PHACTR3: variants seen among roughly 807,000 people sequenced by gnomAD.
The protein encoded by PHACTR3 is phosphatase and actin regulator 3.
In PHACTR3, 16 loss-of-function variants were observed where a neutral mutation model predicts 66.8. The ratio of observed to expected loss-of-function variants is 0.24; its 90% CI spans 0.16 to 0.36. PHACTR3 has a LOEUF of 0.36. Among genes scored for constraint, PHACTR3 ranks in the 10% least tolerant of loss-of-function variants. PHACTR3 has a pLI of 1.00. For synonymous variants in PHACTR3, 323 were observed against 292.1 expected, an observed-to-expected ratio of 1.11 and a Z score of -1.08; for missense variants, 647 against 719.9, an observed-to-expected ratio of 0.90 and a Z score of 1.16.
At chr20:59,776,136 A>T (rs1441755856) in intron 7 of PHACTR3, among the ~76,000 whole-genome samples, 2 of 152,158 alleles carry the variant, frequency 1.3e-5, no homozygotes, top group Non-Finnish European at 2.9e-5. Flanking sequence ...GGGAGATGGG[A>T]ACTGCTTCCT....
chr20:59,749,696 A>G (rs1228785759), intron 3 of PHACTR3, among the ~76,000 whole-genome samples: 1 of 152,208 alleles, frequency 6.6e-6, no homozygotes, highest in African/African-American at 2.4e-5. Flanking sequence ...CTGCTTTTGT[A>G]GCGCAAAGGC....
intron 6 of PHACTR3, 95 bp from the exon 7 acceptor site, chr20:59,774,148 G>A (rs1316836866): frequency 6.8e-7 from 1 of 1,469,294 alleles, no homozygotes; most frequent in Non-Finnish European, 9.1e-7. Context: ...TTTTGGGGCT[G>A]CCTCTGTGAT....
intron 1 of PHACTR3, among the ~76,000 whole-genome samples, chr20:59,636,547 C>T (rs1188308585): frequency 6.6e-6 from 1 of 152,116 alleles, no homozygotes; most frequent in Admixed American, 6.5e-5. Flanking sequence ...TGGGAGATGG[C>T]CAGGAAGACC....
intron 4 of PHACTR3, among the ~76,000 whole-genome samples, chr20:59,760,404 A>T (rs146076664): frequency 2.0e-4 from 30 of 152,286 alleles, no homozygotes; most frequent in Middle Eastern, 3.4e-3. Context: ...TGTAGCTCCC[A>T]TAATTCCCAC....
At chr20:59,753,195 G>A (rs557961746) in intron 3 of PHACTR3, among the ~76,000 whole-genome samples, 10 of 152,072 alleles carry the variant, frequency 6.6e-5, no homozygotes, top group Non-Finnish European at 1.2e-4. Flanking sequence ...GATACAGCAC[G>A]TGGCCCACAG....
chr20:59,801,516 AG>A (rs2041413162), intron 7 of PHACTR3, among the ~76,000 whole-genome samples: 1 of 152,212 alleles, frequency 6.6e-6, no homozygotes, highest in African/African-American at 2.4e-5. Flanking sequence ...GAATAAAGTT[AG>A]GCTCTGCTAT....
At chr20:59,748,497 T>C (rs1412487236) in intron 3 of PHACTR3, among the ~76,000 whole-genome samples, 1 of 152,230 alleles carries the variant, frequency 6.6e-6, no homozygotes, top group Non-Finnish European at 1.5e-5. Context: ...TAATCATCTT[T>C]GTTTCCATCT....
At chr20:59,800,624 G>A (rs1456278323) in intron 7 of PHACTR3, among the ~76,000 whole-genome samples, 1 of 152,082 alleles carries the variant, frequency 6.6e-6, no homozygotes, top group African/African-American at 2.4e-5. Flanking sequence ...GATTACCATG[G>A]CCCAGACACA....
intron 1 of PHACTR3, among the ~76,000 whole-genome samples, chr20:59,728,818 C>G (rs1287733152): frequency 1.4e-5 from 2 of 147,384 alleles, no homozygotes; most frequent in Non-Finnish European, 3.0e-5. Flanking sequence ...CCGACAACAC[C>G]AAGTCAGCTG....
chr20:59,597,226 A>T (rs2033350884), intron 1 of PHACTR3, among the ~76,000 whole-genome samples: 1 of 152,214 alleles, frequency 6.6e-6, no homozygotes, highest in African/African-American at 2.4e-5. Flanking sequence ...AAAGAGGATG[A>T]TTATTCCAAC....
At chr20:59,582,412 G>A (rs1568914655) in intron 1 of PHACTR3, among the ~76,000 whole-genome samples, 1 of 152,162 alleles carries the variant, frequency 6.6e-6, no homozygotes, top group Non-Finnish European at 1.5e-5. Flanking sequence ...ACCTGCGTGA[G>A]GCACTGAGCA....
chr20:59,605,152 CGGCGGGCGGG>C lies in PHACTR3; in HGVS notation c.118+21_118+30del. 5 of 262,388 alleles carry C rather than the reference CGGCGGGCGGG, an allele frequency of 1.9e-5. No individual in the cohort carries two copies. Among genetic ancestry groups the C allele is most frequent in the Non-Finnish European group, 3.5e-5 (5 of 142,310 alleles). 16.3% of individuals were successfully genotyped at this position (262,388 alleles called of 1,614,324 possible). On this transcript the variant is annotated intron_variant, in intron 1 of 12. Transcript: ENST00000371015. ...ACCCAGGTAACGGGCTGGGCGGGGGCGGCGGGCGGGTCGGGGAGGCCCGAGGCAGGTGGCG... is the reference window on the plus strand; with the variant it reads ...ACCCAGGTAACGGGCTGGGCGGGGGCTCGGGGAGGCCCGAGGCAGGTGGCG...
chr20:59,595,756 T>G (rs2033311428), intron 1 of PHACTR3, among the ~76,000 whole-genome samples: 1 of 152,244 alleles, frequency 6.6e-6, no homozygotes, highest in East Asian at 1.9e-4. Context: ...CCTCATGTAT[T>G]TTGACGTCTG....
At chr20:59,661,338 G>A (rs944654792) in intron 1 of PHACTR3, among the ~76,000 whole-genome samples, 1 of 152,172 alleles carries the variant, frequency 6.6e-6, no homozygotes, top group African/African-American at 2.4e-5. Context: ...ACCAACGACA[G>A]GCCCATGAGT....
Position 59,806,122 on chromosome 20 carries a change from G to A in PHACTR3, c.1256G>A (p.Arg419Gln), listed in dbSNP as rs1350893711. Residue 419 changes from arginine to glutamine, a missense_variant, in exon 8 of 13, where the codon CGG becomes CAG. By Grantham distance (43) the Arg-to-Gln change is conservative. Around this residue, in one of 2 missense-constraint regions of PHACTR3, gnomAD observed 577 missense variants for 571.1 expected, o/e 1.01. Transcript: ENST00000371015. Reference protein sequence around the residue: ...NRPSKQELEDRNIFPRRTDEE... With the variant: ...NRPSKQELEDQNIFPRRTDEE... ...CCAAGCAAACAGGAACTAGAAGACC[G>A]GAACATTTTCCCCAGAAGGACTGAT... 9 of 1,614,260 alleles carry A rather than the reference G, an allele frequency of 5.6e-6. No individual in the cohort carries two copies. Among genetic ancestry groups the A allele is most frequent in the Admixed American group, 3.3e-5 (2 of 60,022 alleles).
At chr20:59,791,421 T>G (rs1392909316) in intron 7 of PHACTR3, among the ~76,000 whole-genome samples, 4 of 152,124 alleles carry the variant, frequency 2.6e-5, no homozygotes, top group Non-Finnish European at 1.5e-5. Flanking sequence ...CTAATTCTGA[T>G]GGTCAGAGCA....
In PHACTR3 at chr20:59,830,223, G is replaced by T. The variant is rs1005400916; in HGVS notation, c.1329-6282G>T. 7.2e-6 allele frequency among the ~76,000 whole-genome samples: 1 copy of T among 138,830 alleles called. No homozygotes were observed. Among genetic ancestry groups the T allele is most frequent in the East Asian group, 2.0e-4 (1 of 4,970 alleles). 91.1% of individuals were successfully genotyped at this position (138,830 alleles called of 152,430 possible). A position where few individuals can be genotyped will look rare whatever the true frequency, so the allele number is the denominator to read the frequency against. The stretch of plus-strand genomic sequence containing the variant: ...GTATGAGTGTCTGATAGAAGAGGGC[G>T]TGAGTGTCTGATGGAAGAGGGTATG... On this transcript the variant is annotated intron_variant, in intron 8 of 12. Coordinates refer to ENST00000371015, the MANE Select transcript of PHACTR3 (RefSeq NM_080672.5). This position sits in a 1 kb window ranked among gnomAD's most constrained non-coding sequence, Gnocchi z 5.8.
intron 1 of PHACTR3, among the ~76,000 whole-genome samples, chr20:59,680,948 G>C (rs566152747): frequency 6.6e-6 from 1 of 152,312 alleles, no homozygotes; most frequent in African/African-American, 2.4e-5. Flanking sequence ...GTCATTCTAA[G>C]GGTATGCTTA....
At chr20:59,760,146 G>A (rs560308575) in intron 4 of PHACTR3, among the ~76,000 whole-genome samples, 11 of 152,302 alleles carry the variant, frequency 7.2e-5, no homozygotes, top group Admixed American at 3.9e-4. Context: ...ATCCAGGACT[G>A]GAGTTGCAGC....
Sources: gnomAD v4.1 joint callset for allele counts (sites outside exome capture counted in the v4.1 genomes callset) on GRCh38, gnomAD v4.1.1 for gene constraint, gnomAD v4.1.1 regional missense constraint, Gnocchi (gnomAD v3.1) non-coding constraint, MANE v1.5 for transcripts, NCBI Gene and HGNC (gene_info 2026-07-23, HGNC 2026-07-21) for gene names.